The following MAP3K10 variants were observed in gnomAD, a reference collection of about 807,000 sequenced individuals.
MAP3K10 encodes the protein mitogen-activated protein kinase kinase kinase 10, also known as MKN28 derived nonreceptor_type serine/threonine kinase.
MAP3K10 carries 22 observed loss-of-function variants against 75.0 expected under a neutral mutation model. The ratio of observed to expected loss-of-function variants is 0.29; its 90% CI spans 0.21 to 0.42. MAP3K10 has a LOEUF of 0.42. MAP3K10 is among the 10% of genes least tolerant of loss of function. The pLI is 1.00. For missense variants in MAP3K10, 1,165 were observed against 1,379.8 expected, an observed-to-expected ratio of 0.84 and a Z score of 2.47; for synonymous variants, 599 against 612.9, an observed-to-expected ratio of 0.98 and a Z score of 0.34.
At position 40,213,729 on chromosome 19, in the gene MAP3K10, G is replaced by A. The variant is rs905163343; in HGVS notation, c.2050G>A (p.Ala684Thr). 5 of 1,080,952 alleles carry A rather than the reference G, an allele frequency of 4.6e-6. No homozygotes were observed. Among genetic ancestry groups the A allele is most frequent in the Middle Eastern group, 4.3e-4 (1 of 2,352 alleles). 67.0% of individuals were successfully genotyped at this position (1,080,952 alleles called of 1,614,324 possible). The change falls in exon 9 of 10, where the codon GCT becomes ACT. Residue 684 changes from alanine (A) to threonine (T), a missense_variant. By Grantham distance (58) the Ala-to-Thr change is moderately conservative (BLOSUM62 0). Around this residue, in one of 2 missense-constraint regions of MAP3K10, gnomAD observed 590 missense variants for 586.6 expected, o/e 1.01. Coordinates refer to ENST00000253055, the MANE Select transcript of MAP3K10 (RefSeq NM_002446.4). This position sits in a 1 kb window ranked among gnomAD's most constrained non-coding sequence, Gnocchi z 5.7. ...ALLGCATLLG[A>T]VGLGADVAEA... The stretch of plus-strand genomic sequence containing the variant: ...GCTAGGCTGCGCCACGCTGCTGGGG[G>A]CTGTGGGCCTGGGCGCCGACGTGGC...
chr19:40,194,537 G>A (rs1001696451), intron 1 of MAP3K10, among the ~76,000 whole-genome samples: 7 of 152,028 alleles, frequency 4.6e-5, no homozygotes, highest in African/African-American at 1.2e-4. Flanking sequence ...TTGACAGCAC[G>A]CCCCACACCC....
Position 40,213,953 on chromosome 19 carries a change from G to A in MAP3K10, c.2274G>A (p.Thr758=), listed in dbSNP as rs754553796. The A allele has an allele frequency of 1.7e-5, 26 of 1,532,266 alleles. No homozygotes were observed. The highest frequency in any genetic ancestry group is 2.1e-5 in the Non-Finnish European group (24 of 1,147,190). 94.9% of individuals were successfully genotyped at this position (1,532,266 alleles called of 1,614,324 possible). Residue 758 remains threonine, a synonymous_variant, in exon 9 of 10, where the codon ACG becomes ACA. Coordinates refer to ENST00000253055, the MANE Select transcript of MAP3K10 (RefSeq NM_002446.4). The surrounding 1 kb of genome is among the most constrained non-coding windows in gnomAD (Gnocchi z 5.7). ...CGTCCGTGTCCGACTGCAACTCCAC[G>A]CGTTCACTGCTGCGCTCTGACAGTG... ...SLSSVSDCNS[T]RSLLRSDSDE... is the part of the protein sequence containing the mutation.
chr19:40,215,245 A>G lies in MAP3K10; in HGVS notation c.2818A>G (p.Asn940Asp), dbSNP rs756811598. 2 of 1,558,500 alleles carry G rather than the reference A, an allele frequency of 1.3e-6. No individual in the cohort carries two copies. The highest frequency in any genetic ancestry group is 2.4e-5 in the South Asian group (2 of 84,892). ...TLLDMDMEGQ[N>D]QDSTVPLCGA... ...GCTGGACATGGACATGGAGGGGCAG[A>G]ACCAAGACAGCACAGTGCCCCTGTG... The change falls in exon 10 of 10, where the codon AAC (asparagine) becomes GAC (aspartate). Residue 940 changes from asparagine to aspartate, a missense_variant. Physicochemically the swap from Asn to Asp is conservative, Grantham distance 23. This residue lies in a region of MAP3K10 where 590 missense variants were observed against 586.6 expected (regional missense o/e 1.01). Coordinates refer to ENST00000253055, the MANE Select transcript of MAP3K10 (RefSeq NM_002446.4).
intron 1 of MAP3K10, among the ~76,000 whole-genome samples, chr19:40,197,398 T>C (rs1474945711): frequency 6.6e-6 from 1 of 152,100 alleles, no homozygotes; most frequent in African/African-American, 2.4e-5. Context: ...CAATCTCAGC[T>C]CACTGCCACC....
In MAP3K10 at chr19:40,192,084, G is replaced by A. The variant is rs1336939914; in HGVS notation, c.53G>A (p.Gly18Glu). Residue 18 changes from glycine to glutamate, a missense_variant, in exon 1 of 10, where the codon GGG becomes GAG. By Grantham distance (98) the Gly-to-Glu change is moderately conservative. Transcript: ENST00000253055. The surrounding 1 kb of genome is among the most constrained non-coding windows in gnomAD (Gnocchi z 7.1). Reference protein sequence around the residue: ...VAKEWGTTPAGPVWTAVFDYE... With the variant: ...VAKEWGTTPAEPVWTAVFDYE... ...AAGGAGTGGGGCACGACCCCCGCGG[G>A]GCCCGTCTGGACCGCGGTGTTCGAC... The A allele has an allele frequency of 2.0e-6, 3 of 1,516,174 alleles. No individual in the cohort carries two copies. Among genetic ancestry groups the A allele is most frequent in the South Asian group, 1.3e-5 (1 of 77,112 alleles). 93.9% of individuals were successfully genotyped at this position (1,516,174 alleles called of 1,614,324 possible).
intron 6 of MAP3K10, among the ~76,000 whole-genome samples, chr19:40,211,864 C>T (rs748389379): frequency 6.6e-6 from 1 of 152,184 alleles, no homozygotes; most frequent in Non-Finnish European, 1.5e-5. Flanking sequence ...GCTGGGACTA[C>T]AGGCCTGCAC....
At position 40,204,815 on chromosome 19, in the gene MAP3K10, CTTGTT is replaced by C. The variant is rs1455363563; in HGVS notation, c.1012+184_1012+188del. 1 of 749,474 alleles carries C rather than the reference CTTGTT, an allele frequency of 1.3e-6. No individual in the cohort carries two copies. The highest frequency in any genetic ancestry group is 2.7e-5 in the East Asian group (1 of 36,758). The allele number at this position is 749,474 out of a possible 1,614,324, so 46.4% of individuals were successfully genotyped here. On this transcript the variant is annotated intron_variant, in intron 3 of 9. Coordinates refer to ENST00000253055, the MANE Select transcript of MAP3K10 (RefSeq NM_002446.4). This position sits in a 1 kb window ranked among gnomAD's most constrained non-coding sequence, Gnocchi z 4.3. ...TGGCTCCATCCCCCACATCCCAGCCCTTGTTTGGGCCAGGCCCAGAGCTCTCAGGA... is the reference window on the plus strand; with the variant it reads ...TGGCTCCATCCCCCACATCCCAGCCCTGGGCCAGGCCCAGAGCTCTCAGGA...
rs1973113211 is a variant in MAP3K10 at position 40,205,991 on chromosome 19, G to A, written c.1269G>A (p.Glu423=). 1 of 1,611,694 alleles carries A rather than the reference G, an allele frequency of 6.2e-7. No individual in the cohort carries two copies. Among genetic ancestry groups the A allele is most frequent in the Admixed American group, 1.7e-5 (1 of 59,816 alleles). ...RFQEEQLRRR[E]QELAEREMDI... is the part of the protein sequence containing the mutation. ...AGGAGGAGCAGCTGCGGCGGCGGGA[G>A]CAGGAGCTGGCAGAACGTGAGATGG... The change falls in exon 5 of 10, where the codon GAG becomes GAA. Residue 423 remains glutamate (E), a synonymous_variant. Transcript: ENST00000253055. The surrounding 1 kb of genome is among the most constrained non-coding windows in gnomAD (Gnocchi z 4.3).
rs562280558 is a variant in MAP3K10, at chr19:40,206,397, T to A, written c.1435+240T>A. 4 of 406,644 alleles carry A rather than the reference T, an allele frequency of 9.8e-6. No individual in the cohort carries two copies. The East Asian group carries it at 1.5e-4, about 15-fold the overall frequency. 25.2% of individuals were successfully genotyped at this position (406,644 alleles called of 1,614,324 possible). On this transcript the variant is annotated intron_variant, in intron 5 of 9. Coordinates refer to ENST00000253055, the MANE Select transcript of MAP3K10 (RefSeq NM_002446.4). ...CAGCCTGGGCAACATAGACCCCATA[T>A]TTACCAAAAAAAAAAAAAATTTTTT...
chr19:40,207,956 G>A (rs188349877), intron 5 of MAP3K10, among the ~76,000 whole-genome samples: 34 of 150,518 alleles, frequency 2.3e-4, no homozygotes, highest in African/African-American at 7.8e-4. Flanking sequence ...TTGAACTCCT[G>A]CGCTCAGGCA....
At chr19:40,201,081 T>C (rs113410872) in intron 2 of MAP3K10, among the ~76,000 whole-genome samples, 3 of 152,072 alleles carry the variant, frequency 2.0e-5, no homozygotes, top group African/African-American at 7.2e-5. Flanking sequence ...TACCCTCCAG[T>C]TATAAACCAC....
At position 40,198,581 on chromosome 19, in the gene MAP3K10, C is replaced by T; in HGVS notation, c.863+26C>T. On this transcript the variant is annotated intron_variant, in intron 2 of 9. Coordinates refer to ENST00000253055, the MANE Select transcript of MAP3K10 (RefSeq NM_002446.4). The surrounding 1 kb of genome is among the most constrained non-coding windows in gnomAD (Gnocchi z 4.3). Reference sequence around the variant, plus strand: ...GTGCTGAAAGGCGCGGCCGGGATGGCCTCTGGGGAGTAAGGGAGGGAGGAA... The same window carrying T: ...GTGCTGAAAGGCGCGGCCGGGATGGTCTCTGGGGAGTAAGGGAGGGAGGAA... 1 of 1,585,278 alleles carries T rather than the reference C, an allele frequency of 6.3e-7. No individual in the cohort carries two copies. The highest frequency in any genetic ancestry group is 8.6e-7 in the Non-Finnish European group (1 of 1,161,052).
chr19:40,205,789 C>A lies in MAP3K10; in HGVS notation c.1189-122C>A. The A allele has an allele frequency of 9.0e-7, 1 of 1,109,890 alleles. No individual in the cohort carries two copies. 68.8% of individuals were successfully genotyped at this position (1,109,890 alleles called of 1,614,324 possible). A position where few individuals can be genotyped will look rare whatever the true frequency, so the allele number is the denominator to read the frequency against. Reference sequence around the variant, plus strand: ...CAAAGCATGAGTCGGGTGGTGAAACCAGTGTACCCCACAGCAAGGTACCCT... The same window carrying A: ...CAAAGCATGAGTCGGGTGGTGAAACAAGTGTACCCCACAGCAAGGTACCCT... On this transcript the variant is annotated intron_variant, in intron 4 of 9. Transcript: ENST00000253055. The surrounding 1 kb of genome is among the most constrained non-coding windows in gnomAD (Gnocchi z 4.3).
In MAP3K10 at chr19:40,212,308, C is replaced by A. The variant is rs956918507; in HGVS notation, c.1553-497C>A. On this transcript the variant is annotated intron_variant, in intron 6 of 9. Transcript: ENST00000253055. The surrounding 1 kb of genome is among the most constrained non-coding windows in gnomAD (Gnocchi z 4.2). ...CACCTCATTCACCCCAGCACTGTCC[C>A]CACCCACAGCCCCCCTGCCCTCTGT... Among the ~76,000 whole-genome samples the A allele has an allele frequency of 1.2e-4, 19 of 152,172 alleles. No homozygotes were observed. The highest frequency in any genetic ancestry group is 9.2e-4 in the Admixed American group (14 of 15,268).
At position 40,191,659 on chromosome 19, in the gene MAP3K10, C is replaced by T. The variant is rs1972813703; in HGVS notation, c.-373C>T. 6.2e-6 allele frequency: 1 copy of T among 160,828 alleles called. No individual in the cohort carries two copies. The highest frequency in any genetic ancestry group is 2.0e-4 in the South Asian group (1 of 4,910). 10.0% of individuals were successfully genotyped at this position (160,828 alleles called of 1,614,324 possible). A position where few individuals can be genotyped will look rare whatever the true frequency, so the allele number is the denominator to read the frequency against. ...GCCGGGGGCCGCCGGTGGAGCTGCG[C>T]GGGGTGAGCGGCGCGGGGAACGGGG... On this transcript the variant is annotated 5_prime_UTR_variant, in exon 1 of 10. Transcript: ENST00000253055.
Position 40,213,452 on chromosome 19 carries a change from T to C in MAP3K10, c.1838-65T>C, listed in dbSNP as rs1332828918. The C allele has an allele frequency of 6.3e-7, 1 of 1,582,298 alleles. No individual in the cohort carries two copies. Among genetic ancestry groups the C allele is most frequent in the East Asian group, 2.3e-5 (1 of 43,376 alleles). ...GGAGGGGTCATCGGGGGCTGTCCCT[T>C]GGCACAAGTCCCCGTGGGGCCCTGG... On this transcript the variant is annotated intron_variant, in intron 8 of 9. Coordinates refer to ENST00000253055, the MANE Select transcript of MAP3K10 (RefSeq NM_002446.4). The surrounding 1 kb of genome is among the most constrained non-coding windows in gnomAD (Gnocchi z 5.7).
Position 40,204,539 on chromosome 19 carries a change from C to G in MAP3K10, c.918C>G (p.Ile306Met). 1 of 1,613,952 alleles carries G rather than the reference C, an allele frequency of 6.2e-7. No individual in the cohort carries two copies. The highest frequency in any genetic ancestry group is 8.5e-7 in the Non-Finnish European group (1 of 1,179,954). Residue 306 changes from isoleucine (I) to methionine (M), a missense_variant, in exon 3 of 10, where the codon ATC becomes ATG. Transcript: ENST00000253055. This position sits in a 1 kb window ranked among gnomAD's most constrained non-coding sequence, Gnocchi z 4.3. The part of the protein sequence containing the change: ...LLTGEVPYRE[I>M]DALAVAYGVA... ...CGGGGGAGGTCCCCTACCGTGAGAT[C>G]GACGCCTTGGCCGTGGCGTATGGCG...
chr19:40,213,803 C>G lies in MAP3K10; in HGVS notation c.2124C>G (p.Gly708=), dbSNP rs779365177. ...AGGAGCAGCGGCGCTGGCTCGACGG[C>G]CTCTTCTTTCCCCGCGCCGGCCGCT... is the stretch of plus-strand genomic sequence containing the variant. ...DGEEQRRWLD[G]LFFPRAGRFP... is the part of the protein sequence containing the mutation. Residue 708 remains glycine, a synonymous_variant, in exon 9 of 10, where the codon GGC becomes GGG. Coordinates refer to ENST00000253055, the MANE Select transcript of MAP3K10 (RefSeq NM_002446.4). This position sits in a 1 kb window ranked among gnomAD's most constrained non-coding sequence, Gnocchi z 5.7. 731 of 1,284,220 alleles carry G rather than the reference C, an allele frequency of 5.7e-4. 1 individual carries two copies. Among genetic ancestry groups the G allele is most frequent in the Admixed American group, 6.4e-4 (16 of 24,958 alleles). 79.6% of individuals were successfully genotyped at this position (1,284,220 alleles called of 1,614,324 possible).
chr19:40,193,930 T>C (rs2145066293), intron 1 of MAP3K10, among the ~76,000 whole-genome samples: 1 of 152,328 alleles, frequency 6.6e-6, no homozygotes, highest in South Asian at 2.1e-4. Context: ...TTCTGTCACT[T>C]CTACATCTTG....
Sources: allele counts gnomAD v4.1 joint callset (sites outside exome capture counted in the v4.1 genomes callset), GRCh38; gene constraint gnomAD v4.1.1; regional missense constraint gnomAD v4.1.1; non-coding constraint Gnocchi (gnomAD v3.1); transcripts MANE v1.5; gene names NCBI Gene and HGNC (gene_info 2026-07-23, HGNC 2026-07-21).